Variants in CACNA1E observed in about 807,000 individuals in gnomAD.
CACNA1E encodes voltage-dependent R-type calcium channel subunit alpha-1E.
In CACNA1E, 40 loss-of-function variants were observed where a neutral mutation model predicts 259.2. The ratio of observed to expected loss-of-function variants is 0.15; its 90% CI spans 0.12 to 0.20. The LOEUF is 0.20. CACNA1E is among the 10% of genes least tolerant of loss of function. CACNA1E has a pLI of 1.00. For missense variants in CACNA1E, 1,874 were observed against 3,040.1 expected, an observed-to-expected ratio of 0.62 and a Z score of 9.02; for synonymous variants, 1,104 against 1,138.5, an observed-to-expected ratio of 0.97 and a Z score of 0.61.
rs1181162109 is a variant in CACNA1E at position 181,720,252 on chromosome 1, A to G, written c.1798A>G (p.Met600Val). 1 of 1,613,792 alleles carries G rather than the reference A, an allele frequency of 6.2e-7. No homozygotes were observed. The highest frequency in any genetic ancestry group is 8.5e-7 in the Non-Finnish European group (1 of 1,179,748). ...RNLVVSLMSS[M>V]KSIISLLFLL... ...TTTGGTGGTCTCCTTGATGAGCTCA[A>G]TGAAGTCTATCATCAGTTTGCTTTT... Residue 600 changes from methionine to valine, a missense_variant, in exon 14 of 48, where the codon ATG (methionine) becomes GTG (valine). Coordinates refer to ENST00000367573, the MANE Select transcript of CACNA1E (RefSeq NM_001205293.3).
intron 2 of CACNA1E, among the ~76,000 whole-genome samples, chr1:181,413,782 T>C (rs139479351): frequency 1.3e-5 from 2 of 152,354 alleles, no homozygotes; most frequent in East Asian, 3.9e-4. Context: ...GTAGGCCTCG[T>C]CCAGCCTCAC....
chr1:181,678,219 A>G (rs1649569104), intron 7 of CACNA1E, among the ~76,000 whole-genome samples: 1 of 152,200 alleles, frequency 6.6e-6, no homozygotes, highest in African/African-American at 2.4e-5. Flanking sequence ...TGCCCAGCAC[A>G]GAAGTTAGGA....
intron 7 of CACNA1E, among the ~76,000 whole-genome samples, chr1:181,671,119 G>T (rs537709460): frequency 6.6e-6 from 1 of 152,048 alleles, no homozygotes; most frequent in African/African-American, 2.4e-5. Context: ...CTGTAGCCTC[G>T]ACCTCCCAGG....
intron 18 of CACNA1E, among the ~76,000 whole-genome samples, chr1:181,730,350 C>T (rs984411943): frequency 2.0e-5 from 3 of 152,210 alleles, no homozygotes; most frequent in Non-Finnish European, 4.4e-5. Flanking sequence ...ATGTGTTGTC[C>T]TCTAGCTGAG....
Position 181,447,987 on chromosome 1 carries a change from C to A in CACNA1E, c.434+34407C>A, listed in dbSNP as rs1055881573. Among the ~76,000 whole-genome samples, 11 of 152,310 alleles carry A rather than the reference C, an allele frequency of 7.2e-5. No homozygotes were observed. In the East Asian group the frequency reaches 2.1e-3, roughly 29 times the overall value. On this transcript the variant is annotated intron_variant, in intron 2 of 11. Transcript: ENST00000524607. ...TTCTCTTCATCTCTGCTTTTAAGAG[C>A]TGGTGTGATTAGATAAGAGATTATG...
intron 1 of CACNA1E, among the ~76,000 whole-genome samples, chr1:181,490,543 G>GT (rs34093740): frequency 0.15 from 19,013 of 125,180 alleles, 1,716 homozygotes; most frequent in South Asian, 0.28. Flanking sequence ...TGCCAAGCAT[G>GT]TTTTTTTTTT....
At chr1:181,612,573 G>A (rs1654846179) in intron 6 of CACNA1E, among the ~76,000 whole-genome samples, 1 of 152,202 alleles carries the variant, frequency 6.6e-6, no homozygotes, top group Admixed American at 6.5e-5. Flanking sequence ...GGCTTCCTGG[G>A]AGAATGCTGT....
rs140901350 is a variant in CACNA1E at position 181,323,176 on chromosome 1, T to C, written c.-15+5053T>C. 1.0e-3 allele frequency among the ~76,000 whole-genome samples: 159 copies of C among 152,362 alleles called. 1 individual carries two copies. The highest frequency in any genetic ancestry group is 5.1e-3 in the Admixed American group (78 of 15,308). ...AGTGCCTTTTGGGGTTCCTTCCCCT[T>C]TCTCATGAACCAAATGTGTACATGT... is the stretch of plus-strand genomic sequence containing the variant. On this transcript the variant is annotated intron_variant, in intron 1 of 11. Coordinates refer to the CACNA1E transcript ENST00000524607.
chr1:181,522,199 C>G (rs940666113), intron 3 of CACNA1E, among the ~76,000 whole-genome samples: 1 of 152,152 alleles, frequency 6.6e-6, no homozygotes, highest in Non-Finnish European at 1.5e-5. Context: ...CATCAGCCCT[C>G]AACTATAATT....
chr1:181,356,360 G>T (rs1653437507), intron 1 of CACNA1E, among the ~76,000 whole-genome samples: 1 of 152,090 alleles, frequency 6.6e-6, no homozygotes, highest in Non-Finnish European at 1.5e-5. Context: ...GTGTGTGTGT[G>T]TGTTCAAGTT....
rs762937215 is a variant in CACNA1E at position 181,485,138 on chromosome 1, CTTTGGGAGGGAGA to C, written c.266+1140_266+1152del. On this transcript the variant is annotated intron_variant, in intron 1 of 47. Coordinates refer to ENST00000367573, the MANE Select transcript of CACNA1E (RefSeq NM_001205293.3). This position sits in a 1 kb window ranked among gnomAD's most constrained non-coding sequence, Gnocchi z 4.2. Reference sequence around the variant, plus strand: ...TGGGGATGGGGTTGGAGACATGGGACTTTGGGAGGGAGATTTGGGAGGGATGCATCTGCAATGG... The same window carrying C: ...TGGGGATGGGGTTGGAGACATGGGACTTTGGGAGGGATGCATCTGCAATGG... Among the ~76,000 whole-genome samples, 5 of 152,184 alleles carry C rather than the reference CTTTGGGAGGGAGA, an allele frequency of 3.3e-5. No individual in the cohort carries two copies. The highest frequency in any genetic ancestry group is 4.4e-5 in the Non-Finnish European group (3 of 68,034).
chr1:181,522,439 G>A (rs1364633206), intron 3 of CACNA1E, among the ~76,000 whole-genome samples: 1 of 152,164 alleles, frequency 6.6e-6, no homozygotes, highest in Non-Finnish European at 1.5e-5. Flanking sequence ...ATGCTTTGCT[G>A]AGAACATTGC....
chr1:181,477,005 C>T lies in CACNA1E; in HGVS notation c.435-6739C>T, dbSNP rs572541377. On this transcript the variant is annotated intron_variant, in intron 2 of 11. Transcript: ENST00000524607. ...TCTATTAGGGTAAGCATATTTTTGGCTTTTCTCTGGGCTGAAAGGTGACCT... is the reference window on the plus strand; with the variant it reads ...TCTATTAGGGTAAGCATATTTTTGGTTTTTCTCTGGGCTGAAAGGTGACCT... Among the ~76,000 whole-genome samples the T allele has an allele frequency of 6.6e-5, 10 of 152,242 alleles. No individual in the cohort carries two copies. In the South Asian group the frequency reaches 2.1e-3, roughly 32 times the overall value.
chr1:181,759,497 G>A (rs984423611), intron 32 of CACNA1E, among the ~76,000 whole-genome samples: 3 of 151,812 alleles, frequency 2.0e-5, no homozygotes, highest in African/African-American at 7.3e-5. Context: ...TTTCTGCCAT[G>A]AGCCCTCTTT....
rs1429687440 is a variant in CACNA1E, at chr1:181,483,940, A to G, written c.196A>G (p.Asn66Asp). The G allele has an allele frequency of 1.2e-6, 2 of 1,613,728 alleles. No individual in the cohort carries two copies. Among genetic ancestry groups the G allele is most frequent in the East Asian group, 2.2e-5 (1 of 44,842 alleles). Residue 66 changes from asparagine to aspartate, a missense_variant, in exon 1 of 48, where the codon AAC (asparagine) becomes GAC (aspartate). By Grantham distance (23) the Asn-to-Asp change is conservative. Coordinates refer to ENST00000367573, the MANE Select transcript of CACNA1E (RefSeq NM_001205293.3). ...CGTCCGGCAGAACTGTTTCACCGTC[A>G]ACAGATCCCTGTTCATCTTCGGAGA... is the stretch of plus-strand genomic sequence containing the variant. ...IPVRQNCFTV[N>D]RSLFIFGEDN...
At chr1:181,759,322 A>G (rs1400221178) in intron 32 of CACNA1E, among the ~76,000 whole-genome samples, 1 of 152,150 alleles carries the variant, frequency 6.6e-6, no homozygotes, top group Non-Finnish European at 1.5e-5. Flanking sequence ...TAACATGAAG[A>G]GTAATTTCTG....
chr1:181,712,661 A>T (rs1406347865), intron 8 of CACNA1E, among the ~76,000 whole-genome samples: 1 of 152,138 alleles, frequency 6.6e-6, no homozygotes, highest in East Asian at 1.9e-4. Flanking sequence ...TTGTGTAGGG[A>T]TGAAGTGGAC....
rs1175956767 is a variant in CACNA1E, at chr1:181,736,447, C to G, written c.3422+13C>G. ...GCACCACCAACCCGTAAGCCACCCT[C>G]GCGTTGCTCCCTCTTTAGTGCTAGG... is the stretch of plus-strand genomic sequence containing the variant. On this transcript the variant is annotated intron_variant, in intron 22 of 47. Transcript: ENST00000367573. 1 of 1,607,882 alleles carries G rather than the reference C, an allele frequency of 6.2e-7. No individual in the cohort carries two copies. The highest frequency in any genetic ancestry group is 8.5e-7 in the Non-Finnish European group (1 of 1,176,884).
chr1:181,616,607 G>A (rs531302496), intron 6 of CACNA1E, among the ~76,000 whole-genome samples: 5 of 152,174 alleles, frequency 3.3e-5, no homozygotes, highest in East Asian at 3.9e-4. Context: ...CCAGCTACTC[G>A]GGAGGCTGAG....
Sources: gnomAD v4.1 joint callset for allele counts (sites outside exome capture counted in the v4.1 genomes callset) on GRCh38, gnomAD v4.1.1 for gene constraint, Gnocchi (gnomAD v3.1) non-coding constraint, MANE v1.5 for transcripts, NCBI Gene and HGNC (gene_info 2026-07-23, HGNC 2026-07-21) for gene names.